Variants in ZNF385D observed in about 807,000 individuals in gnomAD.
ZNF385D encodes the protein zinc finger protein 385D.
In ZNF385D, 15 loss-of-function variants were observed where a neutral mutation model predicts 35.8. The observed-to-expected ratio is 0.42, with a 90% CI of 0.28 to 0.64. ZNF385D has a LOEUF of 0.64. Among genes scored for constraint, ZNF385D ranks in the 30% least tolerant of loss-of-function variants. ZNF385D has a pLI of 0.23. For synonymous variants in ZNF385D, 212 were observed against 186.8 expected (o/e 1.13, Z -1.10); for missense variants, 474 against 494.6 (o/e 0.96, Z 0.39).
At chr3:21,495,414 A>T (rs1034661640) in intron 4 of ZNF385D, among the ~76,000 whole-genome samples, 1 of 152,146 alleles carries the variant, frequency 6.6e-6, no homozygotes, top group African/African-American at 2.4e-5. Flanking sequence ...TCAAAACCTT[A>T]TAGTTACATG....
chr3:22,337,465 C>G (rs922817727), intron 2 of ZNF385D, among the ~76,000 whole-genome samples: 1 of 152,058 alleles, frequency 6.6e-6, no homozygotes, highest in Non-Finnish European at 1.5e-5. Context: ...ACCTGGGAAG[C>G]GGAGGTTGCA....
chr3:22,286,355 A>C (rs1038103475), intron 2 of ZNF385D, among the ~76,000 whole-genome samples: 4 of 152,002 alleles, frequency 2.6e-5, no homozygotes, highest in Admixed American at 2.0e-4. Context: ...ACCAACTCTT[A>C]GTTCAATTAA....
At chr3:21,883,033 G>A (rs919791190) in intron 3 of ZNF385D, among the ~76,000 whole-genome samples, 12 of 151,894 alleles carry the variant, frequency 7.9e-5, no homozygotes, top group Non-Finnish European at 2.9e-5. Context: ...AAATATTGAT[G>A]CTTATTTGGA....
At chr3:22,355,765 T>C (rs181282482) in intron 2 of ZNF385D, among the ~76,000 whole-genome samples, 14 of 152,112 alleles carry the variant, frequency 9.2e-5, no homozygotes, top group Admixed American at 7.2e-4. Context: ...GAAAGGAACA[T>C]TCATTTGTCC....
At chr3:21,473,508 T>TAGTTG (rs2125351928) in intron 4 of ZNF385D, among the ~76,000 whole-genome samples, 1 of 152,196 alleles carries the variant, frequency 6.6e-6, no homozygotes, top group Admixed American at 6.6e-5. Flanking sequence ...GTAGGGTGTC[T>TAGTTG]CCCTGATACT....
intron 3 of ZNF385D, among the ~76,000 whole-genome samples, chr3:21,757,134 T>TTTTTTTTTTTTTTTTTTG (rs1553654008): frequency 7.8e-6 from 1 of 128,232 alleles, no homozygotes; most frequent in African/African-American, 2.9e-5. Context: ...TTTTTTTTTT[T>TTTTTTTTTTTTTTTTTTG]TTTTTGTTTT....
chr3:21,653,323 G>T (rs1046885103), intron 2 of ZNF385D, among the ~76,000 whole-genome samples: 3 of 151,718 alleles, frequency 2.0e-5, no homozygotes, highest in Non-Finnish European at 2.9e-5. Context: ...TATAAATGAA[G>T]TATATCAGTT....
At chr3:21,917,561 A>G (rs1284795869) in intron 3 of ZNF385D, among the ~76,000 whole-genome samples, 2 of 152,334 alleles carry the variant, frequency 1.3e-5, no homozygotes, top group East Asian at 3.9e-4. Flanking sequence ...TGACATGAAA[A>G]GATTGTTCTT....
At chr3:22,180,338 C>A (rs1010484243) in intron 2 of ZNF385D, among the ~76,000 whole-genome samples, 1 of 152,170 alleles carries the variant, frequency 6.6e-6, no homozygotes, top group Non-Finnish European at 1.5e-5. Context: ...GGATTCACAG[C>A]CGAATTCTAA....
chr3:21,869,648 GA>G (rs1559707991), intron 3 of ZNF385D, among the ~76,000 whole-genome samples: 1 of 152,024 alleles, frequency 6.6e-6, no homozygotes, highest in East Asian at 1.9e-4. Context: ...GGAACTCTAA[GA>G]GAAAAAATAG....
At chr3:21,972,924 TA>T (rs1369766384) in intron 3 of ZNF385D, among the ~76,000 whole-genome samples, 8 of 151,888 alleles carry the variant, frequency 5.3e-5, no homozygotes, top group Admixed American at 3.3e-4. Flanking sequence ...GAAGCCATAA[TA>T]AGAAAGTCTC....
At chr3:22,242,031 C>G (rs1699522063) in intron 2 of ZNF385D, among the ~76,000 whole-genome samples, 1 of 148,114 alleles carries the variant, frequency 6.8e-6, no homozygotes, top group African/African-American at 2.5e-5. Flanking sequence ...ACAATGAGAT[C>G]GCATGGACAC....
chr3:21,468,785 G>T (rs113648827), intron 4 of ZNF385D, among the ~76,000 whole-genome samples: 15 of 151,946 alleles, frequency 9.9e-5, no homozygotes, highest in African/African-American at 3.4e-4. Context: ...TTAGCCGGGC[G>T]TAGTGGTGCG....
chr3:22,110,111 T>C (rs1171347610), intron 3 of ZNF385D, among the ~76,000 whole-genome samples: 1 of 151,954 alleles, frequency 6.6e-6, no homozygotes, highest in African/African-American at 2.4e-5. Context: ...CCAGTTAGAA[T>C]GGCAATCATT....
At chr3:21,672,150 G>C (rs1559506775) in intron 1 of ZNF385D, among the ~76,000 whole-genome samples, 1 of 152,076 alleles carries the variant, frequency 6.6e-6, no homozygotes, top group Non-Finnish European at 1.5e-5. Flanking sequence ...ACTCCATCCA[G>C]TTCCCATCTC....
chr3:21,702,857 C>T (rs944284001), intron 1 of ZNF385D, among the ~76,000 whole-genome samples: 1 of 152,214 alleles, frequency 6.6e-6, no homozygotes. Flanking sequence ...TTCCTCATCT[C>T]CATCTGAGAC....
chr3:21,582,462 A>T (rs931715535), intron 2 of ZNF385D, among the ~76,000 whole-genome samples: 2 of 151,946 alleles, frequency 1.3e-5, no homozygotes, highest in Non-Finnish European at 2.9e-5. Flanking sequence ...TCTTCTGCAT[A>T]TTTTTTTTCT....
chr3:22,036,171 G>C (rs1698303910), intron 3 of ZNF385D, among the ~76,000 whole-genome samples: 1 of 152,138 alleles, frequency 6.6e-6, no homozygotes, highest in African/African-American at 2.4e-5. Context: ...TATATCAATT[G>C]AGAATCTCAG....
intron 2 of ZNF385D, among the ~76,000 whole-genome samples, chr3:22,295,664 T>G (rs1313807464): frequency 6.6e-6 from 1 of 152,090 alleles, no homozygotes; most frequent in Non-Finnish European, 1.5e-5. Flanking sequence ...TAGAAAAATA[T>G]AAACATAAAA....
Sources: allele counts gnomAD v4.1 joint callset (sites outside exome capture counted in the v4.1 genomes callset), GRCh38; gene constraint gnomAD v4.1.1; transcripts MANE v1.5; gene names NCBI Gene and HGNC (gene_info 2026-07-23, HGNC 2026-07-21).